The following CCDC15 variants were observed in gnomAD, a reference collection of about 807,000 sequenced individuals.
CCDC15 encodes the protein coiled-coil domain containing 15.
In CCDC15, 105 loss-of-function variants were observed where a neutral mutation model predicts 114.5. That is an observed-to-expected ratio of 0.92 (90% CI 0.78 to 1.08). The LOEUF (loss-of-function observed/expected upper bound fraction) is 1.08. CCDC15 is among the 50% of genes least tolerant of loss of function. CCDC15 has a pLI of 0.00. For synonymous variants in CCDC15, 334 were observed against 377.8 expected (o/e 0.88, Z 1.34); for missense variants, 1,105 against 1,093.6 (o/e 1.01, Z -0.15).
intron 14 of CCDC15, 71 bp downstream of exon 14, chr11:125,038,675 C>G: frequency 7.5e-7 from 1 of 1,336,560 alleles, no homozygotes. Flanking sequence ...TTCTCATTTT[C>G]CTTAGAAGAG....
intron 4 of CCDC15, among the ~76,000 whole-genome samples, chr11:124,971,592 G>A (rs1565358765): frequency 6.6e-6 from 1 of 151,992 alleles, no homozygotes; most frequent in Non-Finnish European, 1.5e-5. Flanking sequence ...ATATGTTTAT[G>A]TTGTTCATGA....
rs1005758789 is a variant in CCDC15, at chr11:125,030,594, C to T, written c.2412-7837C>T. ...TGCCCTTTACATGATGGAAGAAGTC[C>T]AGTATAATCAGCCTGCCACCAGGTA... is the stretch of plus-strand genomic sequence containing the variant. On this transcript the variant is annotated intron_variant, in intron 13 of 15. Coordinates refer to ENST00000344762, the MANE Select transcript of CCDC15 (RefSeq NM_025004.3). 2.6e-5 allele frequency among the ~76,000 whole-genome samples: 4 copies of T among 152,128 alleles called. No homozygotes were observed. In the East Asian group the frequency reaches 5.8e-4, roughly 22 times the overall value.
At chr11:125,021,980 C>G (rs998067607) in intron 13 of CCDC15, among the ~76,000 whole-genome samples, 4 of 151,906 alleles carry the variant, frequency 2.6e-5, no homozygotes, top group Non-Finnish European at 5.9e-5. Flanking sequence ...AGTTACCGAA[C>G]TTAACAAATA....
At chr11:125,014,884 A>G (rs1421829708) in intron 13 of CCDC15, among the ~76,000 whole-genome samples, 1 of 152,196 alleles carries the variant, frequency 6.6e-6, no homozygotes, top group Non-Finnish European at 1.5e-5. Context: ...GACAGAATAT[A>G]TTCCTTTCAA....
At position 124,962,648 on chromosome 11, in the gene CCDC15, C is replaced by CTTT. The variant is rs11286590; in HGVS notation, c.516+2656_516+2658dup. Among the ~76,000 whole-genome samples, 17 of 147,838 alleles carry CTTT rather than the reference C, an allele frequency of 1.1e-4. No homozygotes were observed. The East Asian group carries it at 2.2e-3, about 19-fold the overall frequency. On this transcript the variant is annotated intron_variant, in intron 4 of 15. Transcript: ENST00000344762. Reference sequence around the variant, plus strand: ...CTTTCTCTGTCCAAGGAATTCAGTTCTTTTTTTTTTTTTATTATACTTTAA... The same window carrying CTTT: ...CTTTCTCTGTCCAAGGAATTCAGTTCTTTTTTTTTTTTTTTTATTATACTTTAA...
At chr11:124,996,852 A>G (rs1257161303) in intron 11 of CCDC15, among the ~76,000 whole-genome samples, 1 of 152,222 alleles carries the variant, frequency 6.6e-6, no homozygotes, top group African/African-American at 2.4e-5. Context: ...GCTATGGCAT[A>G]TTATAGGAGT....
At chr11:125,004,005 A>G (rs1948520491) in intron 12 of CCDC15, 46 bp downstream of exon 12, 1 of 976,386 alleles carries the variant, frequency 1.0e-6, no homozygotes, top group African/African-American at 1.7e-5. Context: ...CTACTATGAT[A>G]GTATTAATAT....
chr11:124,987,341 C>G lies in CCDC15; in HGVS notation c.1115C>G (p.Pro372Arg). 6.2e-7 allele frequency: 1 copy of G among 1,613,456 alleles called. No homozygotes were observed. The highest frequency in any genetic ancestry group is 1.1e-5 in the South Asian group (1 of 91,032). Reference protein sequence around the residue: ...AVEMKVQVTEPEGQAIEPEGQ... With the variant: ...AVEMKVQVTEREGQAIEPEGQ... Reference sequence around the variant, plus strand: ...GAAATGAAGGTTCAGGTTACTGAGCCAGAAGGCCAGGCCATTGAGCCAGAA... The same window carrying G: ...GAAATGAAGGTTCAGGTTACTGAGCGAGAAGGCCAGGCCATTGAGCCAGAA... Residue 372 changes from proline (P) to arginine (R), a missense_variant, in exon 8 of 16, where the codon CCA (proline) becomes CGA (arginine). Coordinates refer to ENST00000344762, the MANE Select transcript of CCDC15 (RefSeq NM_025004.3).
rs1305783224 is a variant in CCDC15, at chr11:124,986,856, G to A, written c.868G>A (p.Glu290Lys). 6 of 1,560,876 alleles carry A rather than the reference G, an allele frequency of 3.8e-6. No individual in the cohort carries two copies. Among genetic ancestry groups the A allele is most frequent in the Non-Finnish European group, 4.3e-6 (5 of 1,152,420 alleles). Residue 290 changes from glutamate (E) to lysine (K), a missense_variant, in exon 7 of 16, where the codon GAA (glutamate) becomes AAA (lysine). Physicochemically the swap from Glu to Lys is moderately conservative, Grantham distance 56. Coordinates refer to ENST00000344762, the MANE Select transcript of CCDC15 (RefSeq NM_025004.3). The part of the protein sequence containing the change: ...GQQDQQAIHS[E>K]DKNKPFSRVQ... ...GCAGGACCAGCAGGCTATCCATTCT[G>A]AAGATAAGAACAAACCTTTCAGCAG... is the stretch of plus-strand genomic sequence containing the variant.
intron 8 of CCDC15, among the ~76,000 whole-genome samples, chr11:124,988,595 AT>A (rs1948215783): frequency 6.6e-6 from 1 of 152,148 alleles, no homozygotes; most frequent in South Asian, 2.1e-4. Flanking sequence ...TTCACGAAAC[AT>A]TTCTCTGTAG....
At chr11:125,015,953 A>G (rs1473363313) in intron 13 of CCDC15, among the ~76,000 whole-genome samples, 1 of 152,176 alleles carries the variant, frequency 6.6e-6, no homozygotes, top group African/African-American at 2.4e-5. Context: ...CTCCCAAGCT[A>G]TGGACCAAAT....
intron 4 of CCDC15, 136 bp downstream of exon 4, chr11:124,960,139 T>C (rs967125306): frequency 0.014 from 6,343 of 462,902 alleles, 6 homozygotes; most frequent in East Asian, 0.022. Flanking sequence ...ATCCCCCTTT[T>C]TTTTTTTTTT....
chr11:124,987,451 A>C lies in CCDC15; in HGVS notation c.1225A>C (p.Thr409Pro), dbSNP rs750693906. The change falls in exon 8 of 16, where the codon ACC becomes CCC. Residue 409 changes from threonine to proline, a missense_variant. Transcript: ENST00000344762. ...ELEEGSIVLK[T>P]QDFLPTNQAL... ...AGAAGAAGGGAGTATTGTGTTGAAA[A>C]CCCAGGATTTTCTACCCACAAATCA... is the stretch of plus-strand genomic sequence containing the variant. 6.2e-7 allele frequency: 1 copy of C among 1,613,906 alleles called. No individual in the cohort carries two copies. Among genetic ancestry groups the C allele is most frequent in the East Asian group, 2.2e-5 (1 of 44,880 alleles).
chr11:124,984,226 G>A (rs1168758948), intron 6 of CCDC15, among the ~76,000 whole-genome samples: 1 of 152,132 alleles, frequency 6.6e-6, no homozygotes, highest in Non-Finnish European at 1.5e-5. Flanking sequence ...CTGGAAAAGT[G>A]GCATGAGGGA....
At chr11:125,035,914 C>T (rs1286810452) in intron 13 of CCDC15, among the ~76,000 whole-genome samples, 1 of 152,000 alleles carries the variant, frequency 6.6e-6, no homozygotes, top group East Asian at 1.9e-4. Flanking sequence ...TTTATTGTTT[C>T]TACTTATATT....
In CCDC15 at chr11:124,991,461, A is replaced by G. The variant is rs761709653; in HGVS notation, c.1909A>G (p.Lys637Glu). 19 of 1,521,590 alleles carry G rather than the reference A, an allele frequency of 1.2e-5. No individual in the cohort carries two copies. The highest frequency in any genetic ancestry group is 1.7e-5 in the Non-Finnish European group (19 of 1,120,906). The allele number at this position is 1,521,590 out of a possible 1,614,324, so 94.3% of individuals were successfully genotyped here. Reference protein sequence around the residue: ...QDQDFLPKYQKVHFKEPYSDM... With the variant: ...QDQDFLPKYQEVHFKEPYSDM... ...AGTTTTTTATTATTTTATCTTTTAGAAAGTACACTTTAAGGAGCCATACTC... is the reference window on the plus strand; with the variant it reads ...AGTTTTTTATTATTTTATCTTTTAGGAAGTACACTTTAAGGAGCCATACTC... Residue 637 changes from lysine to glutamate, a missense_variant and splice_region_variant, in exon 9 of 16, where the codon AAA (lysine) becomes GAA (glutamate). Coordinates refer to ENST00000344762, the MANE Select transcript of CCDC15 (RefSeq NM_025004.3).
Position 125,005,162 on chromosome 11 carries a change from A to G in CCDC15, c.2361A>G (p.Glu787=). The G allele has an allele frequency of 7.0e-6, 11 of 1,578,098 alleles. No homozygotes were observed. Among genetic ancestry groups the G allele is most frequent in the Non-Finnish European group, 9.5e-6 (11 of 1,158,032 alleles). ...HRRLFMDIER[E]QVKEQQRQKE... is the part of the protein sequence containing the mutation. ...GACTTTTCATGGATATTGAGAGAGA[A>G]CAAGTTAAAGAACAACAAAGGCAAA... Residue 787 remains glutamate, a synonymous_variant, in exon 13 of 16, where the codon GAA becomes GAG. Transcript: ENST00000344762.
At chr11:125,034,926 CTCT>C (rs1948766093) in intron 13 of CCDC15, among the ~76,000 whole-genome samples, 4 of 152,024 alleles carry the variant, frequency 2.6e-5, no homozygotes, top group Non-Finnish European at 1.5e-5. Flanking sequence ...TATATATAAA[CTCT>C]CATATATATA....
At chr11:124,966,240 G>T (rs1171166974) in intron 4 of CCDC15, among the ~76,000 whole-genome samples, 2 of 152,156 alleles carry the variant, frequency 1.3e-5, no homozygotes, top group African/African-American at 4.8e-5. Flanking sequence ...TGACAGTGGG[G>T]TGTTAAAGTC....
Sources: gnomAD v4.1 joint callset for allele counts (sites outside exome capture counted in the v4.1 genomes callset) on GRCh38, gnomAD v4.1.1 for gene constraint, MANE v1.5 for transcripts, NCBI Gene and HGNC (gene_info 2026-07-23, HGNC 2026-07-21) for gene names.